Variants in LPCAT2 observed in about 807,000 individuals in gnomAD.
LPCAT2 encodes lysophosphatidylcholine acyltransferase 2, also known as 1-AGP acyltransferase 11.
A neutral mutation model predicts 64.7 loss-of-function variants in LPCAT2; 58 were observed. That is an observed-to-expected ratio of 0.90 (90% CI 0.73 to 1.12). The LOEUF is 1.12. LPCAT2 is among the 50% of genes most tolerant of loss of function. The pLI is 0.00. For missense variants in LPCAT2, 579 were observed against 669.8 expected, an observed-to-expected ratio of 0.86 and a Z score of 1.50; for synonymous variants, 252 against 245.3, an observed-to-expected ratio of 1.03 and a Z score of -0.26.
chr16:55,545,718 G>A lies in LPCAT2; in HGVS notation c.853-17G>A, dbSNP rs1045417949. The A allele has an allele frequency of 1.3e-6, 2 of 1,524,814 alleles. No individual in the cohort carries two copies. Among genetic ancestry groups the A allele is most frequent in the East Asian group, 4.5e-5 (2 of 44,380 alleles). The allele number at this position is 1,524,814 out of a possible 1,614,324, so 94.5% of individuals were successfully genotyped here. A position where few individuals can be genotyped will look rare whatever the true frequency, so the allele number is the denominator to read the frequency against. ...AGGCTTAAGACATTGTTATGGAAAG[G>A]TATATTTGTCTTTCAGTTTATGCCA... On this transcript the variant is annotated splice_polypyrimidine_tract_variant and intron_variant, in intron 8 of 13. Transcript: ENST00000262134.
chr16:55,541,679 C>T, intron 8 of LPCAT2: 1 of 289,694 alleles, frequency 3.5e-6, no homozygotes, highest in Non-Finnish European at 6.7e-6. Flanking sequence ...CCTGTATGTA[C>T]TTGAGAAAAT....
At chr16:55,554,499 G>A (rs1161614959) in intron 11 of LPCAT2, among the ~76,000 whole-genome samples, 3 of 152,202 alleles carry the variant, frequency 2.0e-5, no homozygotes, top group African/African-American at 7.2e-5. Flanking sequence ...ATTGAAGAGA[G>A]TTAGAGCCTT....
chr16:55,524,234 T>C (rs1203290661), intron 1 of LPCAT2, among the ~76,000 whole-genome samples: 1 of 151,862 alleles, frequency 6.6e-6, no homozygotes, highest in Non-Finnish European at 1.5e-5. Flanking sequence ...CATAGTGAAA[T>C]AATACTCTGC....
chr16:55,576,196 T>C (rs192017400), intron 12 of LPCAT2, among the ~76,000 whole-genome samples: 47 of 152,034 alleles, frequency 3.1e-4, no homozygotes, highest in African/African-American at 1.1e-3. Context: ...TTTTTTTTTT[T>C]TTCAGTAAGA....
chr16:55,569,825 A>G (rs1963749430), intron 11 of LPCAT2, among the ~76,000 whole-genome samples: 1 of 152,190 alleles, frequency 6.6e-6, no homozygotes. Context: ...TGTAGAACCA[A>G]TAGCCTAGCA....
rs757573075 is a variant in LPCAT2, at chr16:55,566,777, A to G, written c.1216-7854A>G. ...AAAGCATGTTTCTTGCAAAGGCTCT[A>G]TTGGAAGGAGCAGATCGAGGTCTTG... On this transcript the variant is annotated intron_variant, in intron 11 of 13. Transcript: ENST00000262134. 19 of 1,613,012 alleles carry G rather than the reference A, an allele frequency of 1.2e-5. 1 individual carries two copies. The South Asian group carries it at 1.4e-4, about 12-fold the overall frequency.
intron 11 of LPCAT2, among the ~76,000 whole-genome samples, chr16:55,566,148 A>G (rs541744707): frequency 2.0e-5 from 3 of 152,316 alleles, no homozygotes; most frequent in Admixed American, 6.5e-5. Flanking sequence ...AGCAATGTCG[A>G]TCACAGACAC....
chr16:55,524,472 A>C (rs1260080650), intron 1 of LPCAT2, among the ~76,000 whole-genome samples: 3 of 151,990 alleles, frequency 2.0e-5, no homozygotes, highest in East Asian at 1.9e-4. Flanking sequence ...TCTTAATTGC[A>C]GTGGTGGTTA....
intron 1 of LPCAT2, among the ~76,000 whole-genome samples, chr16:55,517,664 A>C (rs1963032603): frequency 6.6e-6 from 1 of 152,192 alleles, no homozygotes; most frequent in South Asian, 2.1e-4. Flanking sequence ...TATTTAGCCC[A>C]AAAATGTAAT....
intron 13 of LPCAT2, among the ~76,000 whole-genome samples, chr16:55,581,404 A>C (rs2142427418): frequency 6.6e-6 from 1 of 152,338 alleles, no homozygotes; most frequent in African/African-American, 2.4e-5. Flanking sequence ...GTGGTTTATT[A>C]ATGCAAAACA....
intron 6 of LPCAT2, among the ~76,000 whole-genome samples, chr16:55,533,995 A>G (rs1963291113): frequency 6.6e-6 from 1 of 152,194 alleles, no homozygotes; most frequent in Non-Finnish European, 1.5e-5. Context: ...TATGGTTAAA[A>G]AAAGAATTAA....
chr16:55,569,717 TTTCTC>T (rs1963748623), intron 11 of LPCAT2, among the ~76,000 whole-genome samples: 1 of 152,174 alleles, frequency 6.6e-6, no homozygotes, highest in Admixed American at 6.5e-5. Flanking sequence ...TTTCTCTCCT[TTTCTC>T]TTCTGAATTT....
rs777127454 is a variant in LPCAT2, at chr16:55,529,894, A to C, written c.589A>C (p.Asn197His). The C allele has an allele frequency of 1.9e-6, 3 of 1,608,810 alleles. No homozygotes were observed. In the South Asian group the frequency reaches 3.3e-5, roughly 18 times the overall value. Residue 197 changes from asparagine to histidine, a missense_variant, in exon 4 of 14, where the codon AAC (asparagine) becomes CAC (histidine). Physicochemically the swap from Asn to His is moderately conservative, Grantham distance 68 (BLOSUM62 1). Coordinates refer to ENST00000262134, the MANE Select transcript of LPCAT2 (RefSeq NM_017839.5). Reference protein sequence around the residue: ...VSRVDPDSRKNTINEIIKRTT... With the variant: ...VSRVDPDSRKHTINEIIKRTT... ...CCGTGTAGATCCGGATTCCCGAAAA[A>C]ACACAATAAATGAAATAATAAAGCG...
chr16:55,559,576 G>C (rs567105150), intron 11 of LPCAT2, among the ~76,000 whole-genome samples: 1 of 152,180 alleles, frequency 6.6e-6, no homozygotes, highest in East Asian at 1.9e-4. Flanking sequence ...CTGAGAGTTA[G>C]GACAGGGCAC....
intron 3 of LPCAT2, among the ~76,000 whole-genome samples, chr16:55,529,041 A>G (rs1307589344): frequency 6.6e-6 from 1 of 152,208 alleles, no homozygotes; most frequent in African/African-American, 2.4e-5. Flanking sequence ...CCAAATCTCC[A>G]TGAGGGACCT....
intron 12 of LPCAT2, among the ~76,000 whole-genome samples, chr16:55,577,093 G>C (rs1282412574): frequency 3.3e-5 from 5 of 152,126 alleles, no homozygotes; most frequent in African/African-American, 1.2e-4. Flanking sequence ...GGCGCATGAA[G>C]AGCCTGAGGT....
chr16:55,543,256 A>C (rs747417149), intron 8 of LPCAT2, among the ~76,000 whole-genome samples: 8 of 152,220 alleles, frequency 5.3e-5, no homozygotes, highest in Non-Finnish European at 1.0e-4. Flanking sequence ...CCTTAAGAAT[A>C]AGATGTCACG....
chr16:55,552,470 T>G (rs1963528628), intron 11 of LPCAT2, among the ~76,000 whole-genome samples: 1 of 152,210 alleles, frequency 6.6e-6, no homozygotes, highest in Admixed American at 6.5e-5. Context: ...GGTAAATACT[T>G]AAGAGTAAGA....
chr16:55,581,257 C>T (rs570148707), intron 13 of LPCAT2, among the ~76,000 whole-genome samples: 3 of 152,194 alleles, frequency 2.0e-5, no homozygotes, highest in African/African-American at 4.8e-5. Context: ...TATGTGTCTC[C>T]GTCATTGAAA....
Sources: allele counts gnomAD v4.1 joint callset (sites outside exome capture counted in the v4.1 genomes callset), GRCh38; gene constraint gnomAD v4.1.1; transcripts MANE v1.5; gene names NCBI Gene and HGNC (gene_info 2026-07-23, HGNC 2026-07-21).